Variants in RFC3 observed in about 807,000 individuals in gnomAD.
The protein encoded by RFC3 is A1 38 kDa subunit.
In RFC3, 41 loss-of-function variants were observed where a neutral mutation model predicts 45.1. That is an observed-to-expected ratio of 0.91 (90% CI 0.71 to 1.18). The LOEUF (loss-of-function observed/expected upper bound fraction) is 1.18, where lower values mean the gene tolerates loss of function less well. Among genes scored for constraint, RFC3 ranks in the 50% most tolerant of loss-of-function variants. The probability of loss-of-function intolerance (pLI) is 0.00; values close to 1 mark genes in which losing one functional copy is unlikely to be tolerated. For missense variants in RFC3, 423 were observed against 428.1 expected (o/e 0.99, Z 0.10); for synonymous variants, 149 against 144.0 (o/e 1.03, Z -0.25).
At chr13:33,908,784 A>G (rs1000996782) in intron 8 of RFC3, among the ~76,000 whole-genome samples, 4 of 152,078 alleles carry the variant, frequency 2.6e-5, no homozygotes, top group African/African-American at 7.2e-5. Context: ...GAACCAGAAG[A>G]GCCAATGACA....
intron 8 of RFC3, chr13:33,848,227 T>C (rs756682380): frequency 4.6e-5 from 7 of 152,224 alleles, no homozygotes; most frequent in Non-Finnish European, 8.8e-5. Flanking sequence ...ATTGTTCCTT[T>C]CTCGATGTCA....
At position 33,886,438 on chromosome 13, in the gene RFC3, C is replaced by T. The variant is rs191424858; in HGVS notation, c.879+51221C>T. Among the ~76,000 whole-genome samples, 530 of 150,584 alleles carry T rather than the reference C, an allele frequency of 3.5e-3. 3 individuals are homozygous for T. Among genetic ancestry groups the T allele is most frequent in the Non-Finnish European group, 5.9e-3 (397 of 67,714 alleles). On this transcript the variant is annotated intron_variant, in intron 8 of 8. Transcript: ENST00000434425. Reference sequence around the variant, plus strand: ...GTGGGCACCTGTAGTCCCAACTACTCGGGAGGCCAAGGCAGGAGAATCGCT... The same window carrying T: ...GTGGGCACCTGTAGTCCCAACTACTTGGGAGGCCAAGGCAGGAGAATCGCT...
rs1281908977 is a variant in RFC3, at chr13:33,818,210, G to C, written c.32G>C (p.Cys11Ser). MSLWVDKYRP[C>S]SLGRLDYHKE... ...CTCTGGGTGGACAAGTATCGGCCCT[G>C]CTCCTTGGGACGGCTGGACTATCAC... Residue 11 changes from cysteine (C) to serine (S), a missense_variant, in exon 1 of 9, where the codon TGC becomes TCC. Cys to Ser is a moderately radical substitution (Grantham distance 112, BLOSUM62 -1). Coordinates refer to ENST00000380071, the MANE Select transcript of RFC3 (RefSeq NM_002915.4). 6.2e-7 allele frequency: 1 copy of C among 1,613,646 alleles called. No individual in the cohort carries two copies. Among genetic ancestry groups the C allele is most frequent in the Admixed American group, 1.7e-5 (1 of 60,008 alleles).
At chr13:33,961,910 A>G (rs2083059553) in intron 8 of RFC3, among the ~76,000 whole-genome samples, 1 of 152,216 alleles carries the variant, frequency 6.6e-6, no homozygotes, top group Non-Finnish European at 1.5e-5. Context: ...TAAAGGCTAT[A>G]CCGTGAAATC....
intron 8 of RFC3, among the ~76,000 whole-genome samples, chr13:33,899,070 A>C (rs983096556): frequency 5.3e-5 from 8 of 151,864 alleles, no homozygotes; most frequent in African/African-American, 1.9e-4. Flanking sequence ...GATTCTACCA[A>C]ACATTTAAAG....
At chr13:33,908,762 C>T (rs2082687214) in intron 8 of RFC3, among the ~76,000 whole-genome samples, 1 of 151,872 alleles carries the variant, frequency 6.6e-6, no homozygotes, top group Non-Finnish European at 1.5e-5. Flanking sequence ...CTGTTTAAGT[C>T]CAAAGGCCTG....
At chr13:33,956,939 G>A (rs913443830) in intron 8 of RFC3, among the ~76,000 whole-genome samples, 1 of 151,992 alleles carries the variant, frequency 6.6e-6, no homozygotes, top group African/African-American at 2.4e-5. Context: ...ATATCTGTCT[G>A]TATATATCTA....
intron 8 of RFC3, among the ~76,000 whole-genome samples, chr13:33,939,392 G>A (rs990583195): frequency 8.5e-5 from 13 of 152,054 alleles, no homozygotes; most frequent in African/African-American, 3.1e-4. Context: ...TTGACAGTGA[G>A]GCTCAGAGAG....
downstream of RFC3, among the ~76,000 whole-genome samples, chr13:33,837,712 T>G (rs2082168445): frequency 6.6e-6 from 1 of 152,106 alleles, no homozygotes; most frequent in Admixed American, 6.6e-5. Context: ...TGTTGTCCAT[T>G]TATATTTTAT....
intron 4 of RFC3, among the ~76,000 whole-genome samples, chr13:33,829,012 G>A (rs904263580): frequency 7.2e-5 from 11 of 152,132 alleles, no homozygotes; most frequent in Admixed American, 5.9e-4. Context: ...GGGTTCTTGG[G>A]TAAAGCTTGT....
At position 33,831,287 on chromosome 13, in the gene RFC3, G is replaced by T; in HGVS notation, c.742G>T (p.Glu248Ter). Residue 248 changes from glutamate (E) to a stop codon, truncating the protein, a stop_gained, in exon 7 of 9, where the codon GAG (glutamate) becomes TAG (stop). Coordinates refer to ENST00000380071, the MANE Select transcript of RFC3 (RefSeq NM_002915.4). LOFTEE classifies it high-confidence loss of function. ...YPFTADQEIP[E>*]TDWEVYLRET... ...TTTTACTGCAGATCAAGAAATCCCTGAGACAGATTGGGAGGTGTATCTGAG... is the reference window on the plus strand; with the variant it reads ...TTTTACTGCAGATCAAGAAATCCCTTAGACAGATTGGGAGGTGTATCTGAG... The T allele has an allele frequency of 6.2e-7, 1 of 1,610,070 alleles. No individual in the cohort carries two copies. Among genetic ancestry groups the T allele is most frequent in the South Asian group, 1.1e-5 (1 of 91,016 alleles).
At chr13:33,879,023 A>G (rs1470024299) in intron 8 of RFC3, among the ~76,000 whole-genome samples, 1 of 152,178 alleles carries the variant, frequency 6.6e-6, no homozygotes, top group African/African-American at 2.4e-5. Context: ...CTTTTGGTAC[A>G]TATGAGAACT....
chr13:33,872,830 TG>T (rs2082421394), intron 8 of RFC3, among the ~76,000 whole-genome samples: 1 of 106,688 alleles, frequency 9.4e-6, no homozygotes, highest in South Asian at 3.3e-4. Context: ...ACTCAGTAAA[TG>T]TTTGAATGTT....
downstream of RFC3, among the ~76,000 whole-genome samples, chr13:33,841,613 A>T (rs982821256): frequency 6.6e-6 from 1 of 152,222 alleles, no homozygotes; most frequent in Admixed American, 6.5e-5. Flanking sequence ...TTCAGTCAAC[A>T]ATAGACTATT....
At chr13:33,839,973 A>G (rs2082185661), downstream of RFC3, among the ~76,000 whole-genome samples, 1 of 152,096 alleles carries the variant, frequency 6.6e-6, no homozygotes, top group Non-Finnish European at 1.5e-5. Flanking sequence ...TTCTGAAGAG[A>G]GATATGTAGT....
intron 8 of RFC3, among the ~76,000 whole-genome samples, chr13:33,937,662 G>T (rs888812482): frequency 6.6e-5 from 10 of 152,154 alleles, no homozygotes; most frequent in African/African-American, 1.9e-4. Context: ...ATACACAGAA[G>T]ATAATCACAT....
At chr13:33,942,142 A>G (rs371861719) in intron 8 of RFC3, among the ~76,000 whole-genome samples, 2 of 151,950 alleles carry the variant, frequency 1.3e-5, no homozygotes, top group African/African-American at 4.8e-5. Flanking sequence ...GTGTTTGATA[A>G]ATCTAATGCC....
chr13:33,908,201 C>T (rs1350900743), intron 8 of RFC3, among the ~76,000 whole-genome samples: 1 of 151,078 alleles, frequency 6.6e-6, no homozygotes, highest in Non-Finnish European at 1.5e-5. Flanking sequence ...CTACATTAAT[C>T]AGTTTGGCAG....
chr13:33,925,803 C>G (rs1475703760), intron 8 of RFC3, among the ~76,000 whole-genome samples: 1 of 151,726 alleles, frequency 6.6e-6, no homozygotes, highest in Admixed American at 6.6e-5. Flanking sequence ...ATGAACCCCC[C>G]GACCAACCAC....
Sources: allele counts gnomAD v4.1 joint callset (sites outside exome capture counted in the v4.1 genomes callset), GRCh38; gene constraint gnomAD v4.1.1; transcripts MANE v1.5; gene names NCBI Gene and HGNC (gene_info 2026-07-23, HGNC 2026-07-21).